ANTXR2: variants seen among roughly 807,000 people sequenced by gnomAD.
The protein encoded by ANTXR2 is anthrax toxin receptor 2.
A neutral mutation model predicts 73.7 loss-of-function variants in ANTXR2; 44 were observed. That is an observed-to-expected ratio of 0.60 (90% CI 0.47 to 0.77). ANTXR2 has a LOEUF of 0.77. ANTXR2 is among the 30% of genes least tolerant of loss of function. The probability of loss-of-function intolerance (pLI) is 0.00; values close to 1 mark genes in which losing one functional copy is unlikely to be tolerated. For missense variants in ANTXR2, 604 were observed against 592.5 expected (o/e 1.02, Z -0.20); for synonymous variants, 217 against 205.9 (o/e 1.05, Z -0.46).
rs1164701189 is a variant in ANTXR2, at chr4:79,902,858, A to T, written c.*4571T>A. On this transcript the variant is annotated 3_prime_UTR_variant, in exon 17 of 17. Transcript: ENST00000403729. Reference sequence around the variant, plus strand: ...CTCCAACCTAACCATATTAATAGAAATGTAGTCAGAGGCCTGGTGCAGTAG... The same window carrying T: ...CTCCAACCTAACCATATTAATAGAATTGTAGTCAGAGGCCTGGTGCAGTAG... 6.6e-6 allele frequency: 1 copy of T among 152,112 alleles called. No homozygotes were observed. The highest frequency in any genetic ancestry group is 1.5e-5 in the Non-Finnish European group (1 of 68,008). 9.4% of individuals were successfully genotyped at this position (152,112 alleles called of 1,614,324 possible).
At position 79,978,078 on chromosome 4, in the gene ANTXR2, T is replaced by C. The variant is rs780210982; in HGVS notation, c.1276A>G (p.Ile426Val). Residue 426 changes from isoleucine to valine, a missense_variant, in exon 15 of 17, where the codon ATC becomes GTC. Physicochemically the swap from Ile to Val is conservative, Grantham distance 29. Coordinates refer to ENST00000403729, the MANE Select transcript of ANTXR2 (RefSeq NM_058172.6). ...VKIPEETEEP[I>V]RPRPPRPKPT... Reference sequence around the variant, plus strand: ...TTGGGTCGAGGTGGTCTAGGCCTGATGGGTTCCTCTGTTTCTTCAGGAATC... The same window carrying C: ...TTGGGTCGAGGTGGTCTAGGCCTGACGGGTTCCTCTGTTTCTTCAGGAATC... 1.2e-6 allele frequency: 2 copies of C among 1,613,842 alleles called. No homozygotes were observed. Among genetic ancestry groups the C allele is most frequent in the African/African-American group, 2.7e-5 (2 of 74,924 alleles).
At chr4:79,917,642 T>C (rs1727406838) in intron 16 of ANTXR2, among the ~76,000 whole-genome samples, 1 of 152,142 alleles carries the variant, frequency 6.6e-6, no homozygotes, top group South Asian at 2.1e-4. Flanking sequence ...AAATCCTTAA[T>C]CCTATCCTCA....
chr4:79,992,895 C>T (rs929805470), intron 12 of ANTXR2, among the ~76,000 whole-genome samples: 3 of 151,978 alleles, frequency 2.0e-5, no homozygotes, highest in African/African-American at 4.8e-5. Flanking sequence ...CTTCAAATGA[C>T]TTTACCAAAT....
chr4:80,069,568 G>T, intron 2 of ANTXR2, 61 bp from the exon 3 acceptor site: 5 of 1,289,738 alleles, frequency 3.9e-6, no homozygotes, highest in Non-Finnish European at 5.5e-6. Context: ...ATACGATACA[G>T]ATGTATAGTT....
intron 14 of ANTXR2, among the ~76,000 whole-genome samples, chr4:79,978,442 TAAA>T (rs1431299940): frequency 1.3e-5 from 2 of 152,182 alleles, no homozygotes; most frequent in African/African-American, 4.8e-5. Flanking sequence ...TCCATAGTTT[TAAA>T]TAAAGAGTCC....
At chr4:79,972,687 G>A (rs1729458956) in intron 16 of ANTXR2, among the ~76,000 whole-genome samples, 1 of 2,786 alleles carries the variant, frequency 3.6e-4, no homozygotes, top group African/African-American at 6.3e-4. Flanking sequence ...ACCAAACACC[G>A]CATATTCTCA....
At chr4:79,979,368 C>G (rs1462769127) in intron 14 of ANTXR2, among the ~76,000 whole-genome samples, 3 of 151,124 alleles carry the variant, frequency 2.0e-5, no homozygotes, top group Non-Finnish European at 4.4e-5. Context: ...ACCGAGGGCA[C>G]ACTATGACAC....
intron 16 of ANTXR2, among the ~76,000 whole-genome samples, chr4:79,920,308 G>T (rs4453892): frequency 0.81 from 123,139 of 152,064 alleles, 50,064 homozygotes; most frequent in East Asian, 1. Flanking sequence ...AATCAAAGAC[G>T]AATGGCTTCT....
intron 16 of ANTXR2, among the ~76,000 whole-genome samples, chr4:79,928,580 TATC>T (rs1448483373): frequency 3.9e-5 from 6 of 152,142 alleles, no homozygotes; most frequent in African/African-American, 9.7e-5. Flanking sequence ...ACTGAAAAAT[TATC>T]ATAATTCATA....
intron 14 of ANTXR2, among the ~76,000 whole-genome samples, chr4:79,979,290 A>C (rs996469657): frequency 1.3e-5 from 2 of 152,140 alleles, no homozygotes; most frequent in African/African-American, 4.8e-5. Flanking sequence ...GCCCTACAAA[A>C]ACCAAGGACA....
At chr4:79,958,081 G>A (rs570809708) in intron 16 of ANTXR2, among the ~76,000 whole-genome samples, 60 of 151,234 alleles carry the variant, frequency 4.0e-4, no homozygotes, top group Non-Finnish European at 7.2e-4. Context: ...TTTCTTTTCT[G>A]TCTCATTTTC....
intron 12 of ANTXR2, among the ~76,000 whole-genome samples, chr4:79,988,254 TA>T (rs1730287046): frequency 8.4e-6 from 1 of 119,452 alleles, no homozygotes; most frequent in Non-Finnish European, 1.7e-5. Flanking sequence ...TATATATATA[TA>T]TATATATATA....
At chr4:80,023,138 A>T (rs1732252149) in intron 10 of ANTXR2, among the ~76,000 whole-genome samples, 1 of 152,216 alleles carries the variant, frequency 6.6e-6, no homozygotes, top group African/African-American at 2.4e-5. Flanking sequence ...GTTTAATTTA[A>T]TTAATTTCTA....
At chr4:80,014,684 T>A (rs1367223534) in intron 11 of ANTXR2, among the ~76,000 whole-genome samples, 1 of 152,228 alleles carries the variant, frequency 6.6e-6, no homozygotes, top group African/African-American at 2.4e-5. Context: ...CTTGGAGGAC[T>A]GTCTTTCTCA....
rs140132459 is a variant in ANTXR2, at chr4:79,996,245, A to G, written c.1042-11382T>C. On this transcript the variant is annotated intron_variant, in intron 12 of 16. Coordinates refer to ENST00000403729, the MANE Select transcript of ANTXR2 (RefSeq NM_058172.6). ...AGTTTGCAAAGGGAAAGGGTGCAGA[A>G]GAAAAAGCCTATGATTTGTTGAGTA... Among the ~76,000 whole-genome samples, 458 of 152,006 alleles carry G rather than the reference A, an allele frequency of 3.0e-3. 3 individuals are homozygous for G. Among genetic ancestry groups the G allele is most frequent in the African/African-American group, 0.011 (437 of 41,520 alleles).
At chr4:80,053,513 T>C (rs1733856291) in intron 7 of ANTXR2, among the ~76,000 whole-genome samples, 1 of 151,722 alleles carries the variant, frequency 6.6e-6, no homozygotes. Flanking sequence ...TGATATTTTT[T>C]CCCCTGAAGA....
chr4:79,967,228 C>T (rs1420012187), intron 16 of ANTXR2, among the ~76,000 whole-genome samples: 1 of 60,228 alleles, frequency 1.7e-5, no homozygotes, highest in Non-Finnish European at 3.6e-5. Context: ...AGAAACGGCG[C>T]ACCACGAGAC....
chr4:79,987,996 C>T (rs888889430), intron 12 of ANTXR2, among the ~76,000 whole-genome samples: 1 of 151,606 alleles, frequency 6.6e-6, no homozygotes, highest in Non-Finnish European at 1.5e-5. Context: ...TAAGACCTGC[C>T]ACCACAAAAA....
intron 16 of ANTXR2, among the ~76,000 whole-genome samples, chr4:79,953,832 T>C (rs559430925): frequency 4.6e-5 from 7 of 152,032 alleles, no homozygotes; most frequent in African/African-American, 1.4e-4. Context: ...ACTAAGATAC[T>C]TAATATTTAT....
Sources: allele counts gnomAD v4.1 joint callset (sites outside exome capture counted in the v4.1 genomes callset), GRCh38; gene constraint gnomAD v4.1.1; transcripts MANE v1.5; gene names NCBI Gene and HGNC (gene_info 2026-07-23, HGNC 2026-07-21).